The following SLC13A4 variants were observed in gnomAD, a reference collection of about 807,000 sequenced individuals.
The protein encoded by SLC13A4 is Na(+)/sulfate cotransporter SUT-1.
In SLC13A4, 28 loss-of-function variants were observed where a neutral mutation model predicts 72.7. That is an observed-to-expected ratio of 0.39 (90% confidence interval 0.29 to 0.53). The LOEUF (loss-of-function observed/expected upper bound fraction) is 0.53. SLC13A4 is among the 20% of genes least tolerant of loss of function. The pLI, the probability that SLC13A4 is intolerant of heterozygous loss-of-function variation, is 0.78. For missense variants in SLC13A4, 653 were observed against 788.0 expected (o/e 0.83, Z 2.05); for synonymous variants, 312 against 325.5 (o/e 0.96, Z 0.45).
chr7:135,688,140 T>C (rs962479198), intron 13 of SLC13A4, among the ~76,000 whole-genome samples: 1 of 151,400 alleles, frequency 6.6e-6, no homozygotes, highest in Non-Finnish European at 1.5e-5. Flanking sequence ...CACACCCGGC[T>C]AATTTTTGTA....
chr7:135,702,370 A>C (rs954739410), intron 6 of SLC13A4: 1 of 157,738 alleles, frequency 6.3e-6, no homozygotes, highest in Non-Finnish European at 1.4e-5. Flanking sequence ...TGTTCTTTTT[A>C]TTTTTATTTA....
chr7:135,683,485 C>CT (rs548492863), intron 15 of SLC13A4: 1 of 984,500 alleles, frequency 1.0e-6, no homozygotes, highest in Non-Finnish European at 1.2e-6. Flanking sequence ...CCTCTCCCCC[C>CT]CCGCTCAGCC....
At chr7:135,719,038 A>G (rs1796488694) in intron 2 of SLC13A4, among the ~76,000 whole-genome samples, 1 of 152,242 alleles carries the variant, frequency 6.6e-6, no homozygotes, top group Non-Finnish European at 1.5e-5. Flanking sequence ...AGCCAAAGCC[A>G]CGTCATCAGG....
intron 6 of SLC13A4, 105 bp downstream of exon 6, chr7:135,702,740 G>T: frequency 1.1e-6 from 1 of 905,520 alleles, no homozygotes. Flanking sequence ...CTCTAAGGTG[G>T]ATCTGTAGCT....
At chr7:135,690,206 A>G (rs570537767) in intron 13 of SLC13A4, among the ~76,000 whole-genome samples, 6,878 of 147,814 alleles carry the variant, frequency 0.047, 215 homozygotes, top group South Asian at 0.076. Flanking sequence ...AAAAAAAAAA[A>G]AGAGAACCAA....
intron 14 of SLC13A4, 100 bp downstream of exon 14, chr7:135,685,422 G>C: frequency 6.8e-6 from 7 of 1,030,052 alleles, no homozygotes; most frequent in Non-Finnish European, 8.7e-6. Flanking sequence ...GCAGTAACCA[G>C]AGGAGAGCCT....
intron 1 of SLC13A4, among the ~76,000 whole-genome samples, chr7:135,726,311 A>C (rs1370658620): frequency 2.0e-5 from 3 of 152,228 alleles, no homozygotes; most frequent in African/African-American, 7.2e-5. Flanking sequence ...AGTTTTAATC[A>C]GCGTCTCCCT....
intron 2 of SLC13A4, among the ~76,000 whole-genome samples, chr7:135,719,781 A>G (rs3110816): frequency 0.28 from 41,174 of 146,028 alleles, 6,523 homozygotes; most frequent in African/African-American, 0.43. Context: ...TCAATGCCAC[A>G]TGTGTGTGTG....
At chr7:135,687,747 A>C (rs1001113754) in intron 13 of SLC13A4, among the ~76,000 whole-genome samples, 1 of 137,844 alleles carries the variant, frequency 7.3e-6, no homozygotes, top group African/African-American at 2.8e-5. Flanking sequence ...GAAATGGTAC[A>C]TTATATAAAG....
At chr7:135,713,760 A>G (rs1228709589) in intron 2 of SLC13A4, among the ~76,000 whole-genome samples, 1 of 152,124 alleles carries the variant, frequency 6.6e-6, no homozygotes, top group African/African-American at 2.4e-5. Flanking sequence ...TATTTTCAGT[A>G]GAGACGGGGT....
intron 2 of SLC13A4, 69 bp from the exon 3 acceptor site, chr7:135,708,319 G>C: frequency 6.3e-7 from 1 of 1,594,802 alleles, no homozygotes; most frequent in Non-Finnish European, 8.6e-7. Context: ...CCAGCTGGGA[G>C]AATGGGCCAT....
chr7:135,681,602 T>C lies in SLC13A4; in HGVS notation c.1845A>G (p.Pro615=), dbSNP rs756983701. ...GVSLFHLDTY[P]AWARVSNITD... is the part of the protein sequence containing the mutation. ...TGATGTTGCTGACCCTCGCCCATGC[T>C]GGGTAAGTGTCCAGGTGGAAGAGGC... The change falls in exon 16 of 16, where the codon CCA becomes CCG. Residue 615 remains proline (P), a synonymous_variant. Coordinates refer to ENST00000682651, the MANE Select transcript of SLC13A4 (RefSeq NM_001318192.2). 10 of 1,614,172 alleles carry C rather than the reference T, an allele frequency of 6.2e-6. No individual in the cohort carries two copies. Among genetic ancestry groups the C allele is most frequent in the Non-Finnish European group, 8.5e-6 (10 of 1,180,012 alleles).
chr7:135,691,984 TC>T (rs1795798264), intron 11 of SLC13A4: 1 of 419,000 alleles, frequency 2.4e-6, no homozygotes, highest in African/African-American at 2.0e-5. Context: ...AGGCCACACC[TC>T]CATGTGCCTC....
intron 4 of SLC13A4, 56 bp from the exon 5 acceptor site, chr7:135,705,706 T>C: frequency 6.6e-7 from 1 of 1,524,808 alleles, no homozygotes; most frequent in South Asian, 1.1e-5. Flanking sequence ...GCTGACCCTG[T>C]GGGTTGGAGC....
chr7:135,726,265 A>C (rs996316322), intron 1 of SLC13A4, among the ~76,000 whole-genome samples: 5 of 152,210 alleles, frequency 3.3e-5, no homozygotes, highest in Non-Finnish European at 7.3e-5. Flanking sequence ...TCCAGGAAGA[A>C]TGTCAGCAGC....
chr7:135,685,771 G>A, intron 13 of SLC13A4, 88 bp from the exon 14 acceptor site: 1 of 1,250,896 alleles, frequency 8.0e-7, no homozygotes. Flanking sequence ...AGGGATGTTG[G>A]AAGGCTGGAC....
chr7:135,721,287 C>G (rs1286741345), intron 2 of SLC13A4, 108 bp downstream of exon 2: 5 of 1,351,030 alleles, frequency 3.7e-6, no homozygotes, highest in Non-Finnish European at 5.2e-6. Flanking sequence ...CAGTGGGTGA[C>G]AAGGCCCCCT....
intron 2 of SLC13A4, among the ~76,000 whole-genome samples, chr7:135,719,963 GAGAGAGAGAGAGAA>G (rs1796512929): frequency 6.6e-6 from 1 of 151,130 alleles, no homozygotes; most frequent in African/African-American, 2.4e-5. Context: ...GGGGGAGAGA[GAGAGAGAGAGAGAA>G]AGAGAGAGAA....
intron 1 of SLC13A4, among the ~76,000 whole-genome samples, chr7:135,723,572 C>G (rs150337995): frequency 6.6e-6 from 1 of 152,196 alleles, no homozygotes; most frequent in Non-Finnish European, 1.5e-5. Flanking sequence ...CATCAGGACT[C>G]GTGTCTGATT....
Sources: allele counts gnomAD v4.1 joint callset (sites outside exome capture counted in the v4.1 genomes callset), GRCh38; gene constraint gnomAD v4.1.1; transcripts MANE v1.5; gene names NCBI Gene and HGNC (gene_info 2026-07-23, HGNC 2026-07-21).